RGS17: variants seen among roughly 807,000 people sequenced by gnomAD.
RGS17 encodes the protein regulator of G protein signaling 17.
In RGS17, 12 loss-of-function variants were observed where a neutral mutation model predicts 25.5. That is an observed-to-expected ratio of 0.47 (90% CI 0.30 to 0.76). The LOEUF (loss-of-function observed/expected upper bound fraction) is 0.76, where lower values mean the gene tolerates loss of function less well. Among genes scored for constraint, RGS17 ranks in the 30% least tolerant of loss-of-function variants. RGS17 has a pLI of 0.07. For synonymous variants in RGS17, 71 were observed against 76.9 expected (o/e 0.92, Z 0.40); for missense variants, 196 against 242.2 (o/e 0.81, Z 1.27).
chr6:153,078,990 A>G (rs1776928717), intron 1 of RGS17, among the ~76,000 whole-genome samples: 1 of 152,140 alleles, frequency 6.6e-6, no homozygotes, highest in South Asian at 2.1e-4. Flanking sequence ...AAATAAAGGC[A>G]GCTTTTCTTC....
intron 3 of RGS17, among the ~76,000 whole-genome samples, chr6:153,024,746 G>A (rs73634681): frequency 0.015 from 2,269 of 152,126 alleles, 48 homozygotes; most frequent in African/African-American, 0.05. Context: ...AACAGCAAGG[G>A]GCCTAAACAT....
At chr6:153,110,425 T>TACACACACACACAC (rs149969105) in intron 1 of RGS17, among the ~76,000 whole-genome samples, 6,507 of 144,854 alleles carry the variant, frequency 0.045, 191 homozygotes, top group Middle Eastern at 0.081. Flanking sequence ...ACTGCCAACA[T>TACACACACACACAC]ACACACACAC....
chr6:153,005,583 CAT>C lies in RGS17; in HGVS notation c.*5989_*5990del, dbSNP rs1370845588. Reference sequence around the variant, plus strand: ...CAGCTAAGACGAGTCCCGGTGATGGCATATACCTTTGATACCATGTGATGAGC... The same window carrying C: ...CAGCTAAGACGAGTCCCGGTGATGGCATACCTTTGATACCATGTGATGAGC... On this transcript the variant is annotated 3_prime_UTR_variant, in exon 5 of 5. Coordinates refer to ENST00000206262, the MANE Select transcript of RGS17 (RefSeq NM_012419.5). 6.6e-6 allele frequency: 1 copy of C among 152,124 alleles called. No individual in the cohort carries two copies. Among genetic ancestry groups the C allele is most frequent in the African/African-American group, 2.4e-5 (1 of 41,414 alleles). The allele number at this position is 152,124 out of a possible 1,614,324, so 9.4% of individuals were successfully genotyped here.
chr6:153,054,690 T>TAAAA (rs1554238355), intron 1 of RGS17, among the ~76,000 whole-genome samples: 12 of 146,064 alleles, frequency 8.2e-5, no homozygotes, highest in African/African-American at 7.5e-5. Flanking sequence ...AATAAATAAA[T>TAAAA]AAAAAGATTT....
At chr6:153,013,266 C>T (rs371867842) in intron 4 of RGS17, among the ~76,000 whole-genome samples, 1 of 152,096 alleles carries the variant, frequency 6.6e-6, no homozygotes, top group Non-Finnish European at 1.5e-5. Flanking sequence ...CAGTGACCTT[C>T]GATGTTACTC....
chr6:153,076,881 C>T (rs1776887984), intron 1 of RGS17, among the ~76,000 whole-genome samples: 1 of 152,154 alleles, frequency 6.6e-6, no homozygotes, highest in African/African-American at 2.4e-5. Flanking sequence ...TTGATTTACT[C>T]AATGATTACC....
chr6:153,042,418 A>G (rs1776333737), intron 2 of RGS17, among the ~76,000 whole-genome samples: 2 of 152,106 alleles, frequency 1.3e-5, no homozygotes, highest in Admixed American at 6.5e-5. Flanking sequence ...AAATCTGACG[A>G]GATCTGATGG....
intron 2 of RGS17, among the ~76,000 whole-genome samples, chr6:153,043,487 TAA>T (rs766892546): frequency 9.6e-5 from 13 of 135,466 alleles, no homozygotes; most frequent in African/African-American, 2.7e-4. Context: ...AGCAGAGAAC[TAA>T]AAAAAAAAAA....
In RGS17 at chr6:153,008,842, C is replaced by T. The variant is rs1038958709; in HGVS notation, c.*2732G>A. On this transcript the variant is annotated 3_prime_UTR_variant, in exon 5 of 5. Coordinates refer to ENST00000206262, the MANE Select transcript of RGS17 (RefSeq NM_012419.5). ...AGGCTCTTTTGTTTATTTATAATAG[C>T]TCTGTAACTTAAACAGAAGGAATTA... is the stretch of plus-strand genomic sequence containing the variant. 6.6e-6 allele frequency: 1 copy of T among 152,086 alleles called. No homozygotes were observed. Among genetic ancestry groups the T allele is most frequent in the South Asian group, 2.1e-4 (1 of 4,828 alleles). 9.4% of individuals were successfully genotyped at this position (152,086 alleles called of 1,614,324 possible).
At chr6:153,125,593 C>T (rs938477212) in intron 1 of RGS17, among the ~76,000 whole-genome samples, 8 of 152,138 alleles carry the variant, frequency 5.3e-5, no homozygotes, top group Non-Finnish European at 1.2e-4. Context: ...TTCAGCTGGG[C>T]GCAGTGGCTC....
chr6:153,060,402 A>G (rs1180072856), intron 1 of RGS17, among the ~76,000 whole-genome samples: 1 of 152,138 alleles, frequency 6.6e-6, no homozygotes, highest in Non-Finnish European at 1.5e-5. Flanking sequence ...CACTTCCCCC[A>G]GAAAATCTTT....
At chr6:153,067,244 T>C (rs1394213610) in intron 1 of RGS17, among the ~76,000 whole-genome samples, 4 of 152,034 alleles carry the variant, frequency 2.6e-5, no homozygotes, top group Non-Finnish European at 1.5e-5. Context: ...TCCTCTAAAA[T>C]CTGGAACATG....
intron 1 of RGS17, among the ~76,000 whole-genome samples, chr6:153,085,436 C>A (rs1387979148): frequency 6.6e-6 from 1 of 152,136 alleles, no homozygotes; most frequent in Non-Finnish European, 1.5e-5. Context: ...ATAACATGTA[C>A]AGAGGGCAGG....
At chr6:153,051,139 C>A (rs1292521238) in intron 1 of RGS17, among the ~76,000 whole-genome samples, 5 of 152,196 alleles carry the variant, frequency 3.3e-5, no homozygotes, top group Non-Finnish European at 2.9e-5. Context: ...GATAAGCCAC[C>A]CTACATATGG....
At chr6:153,120,352 T>G (rs1390119914) in intron 1 of RGS17, among the ~76,000 whole-genome samples, 1 of 152,244 alleles carries the variant, frequency 6.6e-6, no homozygotes, top group Non-Finnish European at 1.5e-5. Context: ...TATGACATCC[T>G]TATTTCCCAG....
At chr6:153,128,679 G>A (rs1451487955) in intron 1 of RGS17, among the ~76,000 whole-genome samples, 2 of 151,982 alleles carry the variant, frequency 1.3e-5, no homozygotes, top group Admixed American at 6.6e-5. Context: ...TGGCCCTCGT[G>A]GTAGGAAATG....
intron 1 of RGS17, among the ~76,000 whole-genome samples, chr6:153,076,518 T>C (rs1023992669): frequency 5.3e-5 from 8 of 152,138 alleles, no homozygotes; most frequent in African/African-American, 1.9e-4. Context: ...GGGTTCTAAA[T>C]ACCATTCCCC....
chr6:153,065,958 G>A (rs191182900), intron 1 of RGS17, among the ~76,000 whole-genome samples: 1 of 152,046 alleles, frequency 6.6e-6, no homozygotes, highest in African/African-American at 2.4e-5. Flanking sequence ...AATTTGAAAT[G>A]AGGAAAACAA....
At chr6:153,063,617 A>G (rs1776667246) in intron 1 of RGS17, among the ~76,000 whole-genome samples, 1 of 152,190 alleles carries the variant, frequency 6.6e-6, no homozygotes, top group Non-Finnish European at 1.5e-5. Flanking sequence ...GGCAAATCTA[A>G]GAGTTGTTGG....
Sources: allele counts gnomAD v4.1 joint callset (sites outside exome capture counted in the v4.1 genomes callset), GRCh38; gene constraint gnomAD v4.1.1; transcripts MANE v1.5; gene names NCBI Gene and HGNC (gene_info 2026-07-23, HGNC 2026-07-21).